The following PRUNE2 variants were observed in gnomAD, a reference collection of about 807,000 sequenced individuals.
The protein encoded by PRUNE2 is protein prune homolog 2.
A neutral mutation model predicts 252.0 loss-of-function variants in PRUNE2; 164 were observed. The ratio of observed to expected loss-of-function variants is 0.65; its 90% confidence interval spans 0.57 to 0.74. The LOEUF (loss-of-function observed/expected upper bound fraction) is 0.74. Among genes scored for constraint, PRUNE2 ranks in the 30% least tolerant of loss-of-function variants. The pLI is 0.00. For synonymous variants in PRUNE2, 1,292 were observed against 1,350.2 expected, an observed-to-expected ratio of 0.96 and a Z score of 0.94; for missense variants, 3,495 against 3,711.0, an observed-to-expected ratio of 0.94 and a Z score of 1.51.
At chr9:76,733,237 T>C (rs1446437387) in intron 6 of PRUNE2, among the ~76,000 whole-genome samples, 1 of 152,186 alleles carries the variant, frequency 6.6e-6, no homozygotes, top group Non-Finnish European at 1.5e-5. Flanking sequence ...AACATCTTCA[T>C]GGACTGAAGT....
At chr9:76,665,018 TAGTTCA>T (rs1373630616) in intron 9 of PRUNE2, among the ~76,000 whole-genome samples, 2 of 152,148 alleles carry the variant, frequency 1.3e-5, no homozygotes, top group East Asian at 3.8e-4. Flanking sequence ...ACAAAAGCCT[TAGTTCA>T]AGTTCATTTT....
chr9:76,708,526 G>A lies in PRUNE2; in HGVS notation c.3748C>T (p.Pro1250Ser), dbSNP rs779310195. 14 of 1,613,822 alleles carry A rather than the reference G, an allele frequency of 8.7e-6. No individual in the cohort carries two copies. In the East Asian group the frequency reaches 8.9e-5, roughly 10 times the overall value. The change falls in exon 8 of 19, where the codon CCT becomes TCT. Residue 1250 changes from proline to serine, a missense_variant. Coordinates refer to ENST00000376718, the MANE Select transcript of PRUNE2 (RefSeq NM_015225.3). ...ITDSEQRELP[P>S]EIPSHSANVK... ...TTTGCTGAATGGCTGGGGATTTCAG[G>A]AGGCAATTCCCTTTGCTCTGAATCT...
chr9:76,884,855 A>T (rs898690201), intron 1 of PRUNE2, among the ~76,000 whole-genome samples: 2 of 152,216 alleles, frequency 1.3e-5, no homozygotes, highest in African/African-American at 4.8e-5. Flanking sequence ...CACAGCTCCT[A>T]CTTAGAAAGG....
At chr9:76,766,581 T>G (rs565752978) in intron 6 of PRUNE2, among the ~76,000 whole-genome samples, 2 of 152,340 alleles carry the variant, frequency 1.3e-5, no homozygotes, top group South Asian at 4.1e-4. Context: ...CCACTTTTTC[T>G]GGGAATCTTG....
intron 1 of PRUNE2, 105 bp downstream of exon 1, chr9:76,905,822 CG>C: frequency 6.9e-7 from 1 of 1,443,364 alleles, no homozygotes; most frequent in Admixed American, 1.7e-5. Flanking sequence ...CTGATAACTC[CG>C]TGGCAAAGTT....
At chr9:76,666,902 C>T (rs1588365804) in intron 9 of PRUNE2, among the ~76,000 whole-genome samples, 1 of 152,008 alleles carries the variant, frequency 6.6e-6, no homozygotes, top group African/African-American at 2.4e-5. Flanking sequence ...CAAAATTAGC[C>T]GGCTGTGGTG....
At chr9:76,851,394 A>G (rs974712216) in intron 2 of PRUNE2, among the ~76,000 whole-genome samples, 6 of 152,126 alleles carry the variant, frequency 3.9e-5, no homozygotes, top group Non-Finnish European at 8.8e-5. Context: ...AAAAATACAA[A>G]AAAATTAGCC....
chr9:76,617,728 A>C (rs894688779), intron 18 of PRUNE2, among the ~76,000 whole-genome samples: 1 of 152,170 alleles, frequency 6.6e-6, no homozygotes, highest in African/African-American at 2.4e-5. Flanking sequence ...CCAGACAGGA[A>C]GCAATGGTTG....
rs536615686 is a variant in PRUNE2, at chr9:76,806,547, G to A, written c.756+17085C>T. ...TTTTGAGACGGAGTTTCGCCCTGTCGCCCAGGCTGGAGTGCAGGGGTGCCA... is the reference window on the plus strand; with the variant it reads ...TTTTGAGACGGAGTTTCGCCCTGTCACCCAGGCTGGAGTGCAGGGGTGCCA... On this transcript the variant is annotated intron_variant, in intron 6 of 18. Transcript: ENST00000376718. 3.0e-4 allele frequency among the ~76,000 whole-genome samples: 43 copies of A among 141,640 alleles called. 1 individual carries two copies. In the South Asian group the frequency reaches 8.0e-3, roughly 26 times the overall value. 92.9% of individuals were successfully genotyped at this position (141,640 alleles called of 152,430 possible).
At chr9:76,831,199 G>A (rs999860194) in intron 4 of PRUNE2, among the ~76,000 whole-genome samples, 7 of 151,942 alleles carry the variant, frequency 4.6e-5, no homozygotes, top group African/African-American at 1.7e-4. Flanking sequence ...AAAGTGCTGG[G>A]ATTACAGGCT....
intron 6 of PRUNE2, among the ~76,000 whole-genome samples, chr9:76,757,575 G>C (rs1479646654): frequency 1.3e-5 from 2 of 152,196 alleles, no homozygotes; most frequent in African/African-American, 4.8e-5. Flanking sequence ...CTGCCAGAGT[G>C]AAGGGCTCAA....
intron 5 of PRUNE2, among the ~76,000 whole-genome samples, 167 bp from the exon 6 acceptor site, chr9:76,823,893 A>C (rs942048231): frequency 1.3e-5 from 2 of 152,102 alleles, no homozygotes; most frequent in African/African-American, 4.8e-5. Context: ...CAATAATCAC[A>C]TCACGTCTGC....
At chr9:76,854,024 C>A in intron 2 of PRUNE2, 80 bp downstream of exon 2, 1 of 672,944 alleles carries the variant, frequency 1.5e-6, no homozygotes, top group Admixed American at 2.8e-5. Context: ...TAATAGGTTC[C>A]TTTGTTTAGA....
At chr9:76,781,937 G>A (rs550536341) in intron 6 of PRUNE2, among the ~76,000 whole-genome samples, 9 of 152,286 alleles carry the variant, frequency 5.9e-5, no homozygotes, top group Admixed American at 1.3e-4. Context: ...AAGCCTGGCC[G>A]GGCGCGGTGG....
At chr9:76,614,969 GCAAA>G (rs1345759187) in intron 18 of PRUNE2, 1 of 397,822 alleles carries the variant, frequency 2.5e-6, no homozygotes, top group African/African-American at 2.2e-5. Flanking sequence ...TCCTTGTGAA[GCAAA>G]CAAATGTTCT....
intron 6 of PRUNE2, among the ~76,000 whole-genome samples, chr9:76,744,170 G>A (rs749930694): frequency 1.1e-4 from 16 of 152,134 alleles, no homozygotes; most frequent in South Asian, 2.1e-4. Context: ...CTGCAGATGC[G>A]TCTCCTATGT....
At chr9:76,762,037 C>T (rs1589072374) in intron 6 of PRUNE2, among the ~76,000 whole-genome samples, 1 of 152,156 alleles carries the variant, frequency 6.6e-6, no homozygotes, top group East Asian at 1.9e-4. Flanking sequence ...GCTTTAAAGT[C>T]TTTCCTAAGT....
At chr9:76,816,613 C>T (rs1047852307) in intron 6 of PRUNE2, among the ~76,000 whole-genome samples, 2 of 152,156 alleles carry the variant, frequency 1.3e-5, no homozygotes, top group Non-Finnish European at 2.9e-5. Context: ...GCTTTAAGTG[C>T]TTTTGGAATT....
In PRUNE2 at chr9:76,826,560, C is replaced by G. The variant is rs370447286; in HGVS notation, c.661+20G>C. On this transcript the variant is annotated intron_variant, in intron 5 of 18. Transcript: ENST00000376718. ...TCCCTACTCGGGAGGGACAAGAGAG[C>G]TGGGGACAGAGTCACTCACCCTGAG... 1 of 1,545,498 alleles carries G rather than the reference C, an allele frequency of 6.5e-7. No individual in the cohort carries two copies. The highest frequency in any genetic ancestry group is 8.8e-7 in the Non-Finnish European group (1 of 1,140,254).
Sources: allele counts gnomAD v4.1 joint callset (sites outside exome capture counted in the v4.1 genomes callset), GRCh38; gene constraint gnomAD v4.1.1; transcripts MANE v1.5; gene names NCBI Gene and HGNC (gene_info 2026-07-23, HGNC 2026-07-21).